Variants in RFFL observed in about 807,000 individuals in gnomAD.
RFFL encodes the protein E3 ubiquitin-protein ligase rififylin.
In RFFL, 16 loss-of-function variants were observed where a neutral mutation model predicts 40.4. The observed-to-expected ratio is 0.40, with a 90% CI of 0.27 to 0.60. RFFL has a LOEUF of 0.60. Ranked by LOEUF, RFFL falls within the 20% of genes least tolerant of loss-of-function variation. The pLI, the probability that RFFL is intolerant of heterozygous loss-of-function variation, is 0.47. For missense variants in RFFL, 367 were observed against 451.7 expected (o/e 0.81, Z 1.70); for synonymous variants, 154 against 167.9 (o/e 0.92, Z 0.64).
intron 5 of RFFL, 106 bp from the exon 6 acceptor site, chr17:35,014,869 G>C (rs555051788): frequency 1.7e-6 from 2 of 1,152,212 alleles, no homozygotes; most frequent in Admixed American, 1.8e-5. Flanking sequence ...TCCCTGCTGG[G>C]AACCAGGCTT....
chr17:35,019,667 C>A (rs1374685540), intron 3 of RFFL, among the ~76,000 whole-genome samples: 1 of 152,048 alleles, frequency 6.6e-6, no homozygotes, highest in Non-Finnish European at 1.5e-5. Flanking sequence ...AACCACCACG[C>A]CCAGCCAAGG....
chr17:35,082,703 G>A (rs749649722), intron 1 of RFFL, among the ~76,000 whole-genome samples: 4 of 152,200 alleles, frequency 2.6e-5, no homozygotes, highest in East Asian at 1.9e-4. Flanking sequence ...GAGAAGGGAC[G>A]TTTATTGAGT....
At chr17:35,021,912 C>T in intron 2 of RFFL, 131 bp from the exon 3 acceptor site, 2 of 853,124 alleles carry the variant, frequency 2.3e-6, no homozygotes, top group Non-Finnish European at 3.6e-6. Context: ...TAAGCTCTCT[C>T]ATATATCTAA....
intron 2 of RFFL, among the ~76,000 whole-genome samples, chr17:35,024,329 C>T (rs2091028100): frequency 6.6e-6 from 1 of 152,108 alleles, no homozygotes; most frequent in Admixed American, 6.5e-5. Context: ...AACACGGTTA[C>T]CTTTTTCTTT....
At chr17:35,038,861 T>C (rs964789174) in intron 1 of RFFL, among the ~76,000 whole-genome samples, 6 of 152,238 alleles carry the variant, frequency 3.9e-5, no homozygotes, top group African/African-American at 1.4e-4. Flanking sequence ...TGTACACTTA[T>C]AATTTATATA....
chr17:35,029,447 G>A (rs1189652753), intron 1 of RFFL, among the ~76,000 whole-genome samples: 1 of 148,640 alleles, frequency 6.7e-6, no homozygotes, highest in Admixed American at 6.7e-5. Context: ...AGGTTTAAGT[G>A]ATTCTCCTGC....
intron 1 of RFFL, among the ~76,000 whole-genome samples, chr17:35,072,455 G>C (rs1268498379): frequency 6.6e-6 from 1 of 152,038 alleles, no homozygotes; most frequent in Non-Finnish European, 1.5e-5. Flanking sequence ...CCAGAGATTA[G>C]GACAGTAGGG....
At chr17:35,012,241 A>G in intron 6 of RFFL, 92 bp from the exon 7 acceptor site, 2 of 1,062,784 alleles carry the variant, frequency 1.9e-6, no homozygotes, top group Non-Finnish European at 1.4e-6. Context: ...GAGGTGGGAG[A>G]TAACAGGTAC....
At chr17:35,045,272 G>C (rs1026353659) in intron 1 of RFFL, among the ~76,000 whole-genome samples, 1 of 151,062 alleles carries the variant, frequency 6.6e-6, no homozygotes, top group Non-Finnish European at 1.5e-5. Context: ...TCACTCTGTC[G>C]TCCAGGCTAG....
intron 1 of RFFL, among the ~76,000 whole-genome samples, chr17:35,075,141 A>C (rs987008365): frequency 6.6e-6 from 1 of 152,180 alleles, no homozygotes; most frequent in Non-Finnish European, 1.5e-5. Flanking sequence ...CAAGGTTATA[A>C]TAACGCAAGC....
chr17:35,016,364 C>T lies in RFFL; in HGVS notation c.886+6G>A, dbSNP rs759793168. ...CTGTAAAGCTACCATGCAGATAGCCCCTCACCCAGGTGCTGGAGTCCTTTC... is the reference window on the plus strand; with the variant it reads ...CTGTAAAGCTACCATGCAGATAGCCTCTCACCCAGGTGCTGGAGTCCTTTC... On this transcript the variant is annotated splice_donor_region_variant and intron_variant, in intron 5 of 6. Coordinates refer to ENST00000394597, the MANE Select transcript of RFFL (RefSeq NM_001017368.2). The T allele has an allele frequency of 6.2e-6, 10 of 1,613,298 alleles. No homozygotes were observed. The highest frequency in any genetic ancestry group is 1.7e-5 in the Admixed American group (1 of 59,996).
chr17:35,023,881 A>G (rs1427346587), intron 2 of RFFL, among the ~76,000 whole-genome samples: 2 of 152,130 alleles, frequency 1.3e-5, no homozygotes, highest in African/African-American at 4.8e-5. Flanking sequence ...TCTGAAACAC[A>G]CCCTACAGGA....
At chr17:35,035,632 T>C (rs944538479) in intron 1 of RFFL, among the ~76,000 whole-genome samples, 4 of 150,506 alleles carry the variant, frequency 2.7e-5, no homozygotes, top group Admixed American at 6.7e-5. Flanking sequence ...TATATACCTA[T>C]ATCTGTATCT....
rs537687922 is a variant in RFFL, at chr17:35,056,538, C to T, written c.-9+7038G>A. Among the ~76,000 whole-genome samples, 61 of 151,820 alleles carry T rather than the reference C, an allele frequency of 4.0e-4. No homozygotes were observed. In the East Asian group the frequency reaches 9.1e-3, roughly 23 times the overall value. On this transcript the variant is annotated intron_variant, in intron 1 of 6. Coordinates refer to ENST00000394597, the MANE Select transcript of RFFL (RefSeq NM_001017368.2). Reference sequence around the variant, plus strand: ...GATTACAGGCATGCACCACCACGCCCGGCTAATTTTGTATTTTTAGTAGAG... The same window carrying T: ...GATTACAGGCATGCACCACCACGCCTGGCTAATTTTGTATTTTTAGTAGAG...
intron 1 of RFFL, among the ~76,000 whole-genome samples, chr17:35,057,975 T>C (rs1285603112): frequency 1.3e-5 from 2 of 151,672 alleles, no homozygotes; most frequent in East Asian, 1.9e-4. Flanking sequence ...AACAATCATA[T>C]AAATATTGAA....
chr17:35,052,071 A>G (rs544270997), intron 1 of RFFL, among the ~76,000 whole-genome samples: 1 of 152,278 alleles, frequency 6.6e-6, no homozygotes, highest in East Asian at 1.9e-4. Context: ...ATTCATCTCT[A>G]ATGTTTTCTC....
Position 35,012,117 on chromosome 17 carries a change from G to A in RFFL, c.943C>T (p.Leu315=). 6.2e-7 allele frequency: 1 copy of A among 1,614,148 alleles called. No homozygotes were observed. Among genetic ancestry groups the A allele is most frequent in the Non-Finnish European group, 8.5e-7 (1 of 1,180,032 alleles). ...GGTGAGTCCATGCAGATCTTACACA[G>A]GTTCTCCTCCAAGCCTGATGGTACT... The part of the protein sequence containing the change: ...GAVPSGLEEN[L]CKICMDSPID... Residue 315 remains leucine (L), a synonymous_variant, in exon 7 of 7, where the codon CTG becomes TTG. Coordinates refer to ENST00000394597, the MANE Select transcript of RFFL (RefSeq NM_001017368.2).
rs1597809556 is a variant in RFFL at position 35,011,778 on chromosome 17, GC to G, written c.*189del. On this transcript the variant is annotated 3_prime_UTR_variant, in exon 7 of 7. Coordinates refer to ENST00000394597, the MANE Select transcript of RFFL (RefSeq NM_001017368.2). ...TTATACAAGTTCCCACTGGCCTTGGGCTTTGCCAGCCAAGAGGTACACCCCT... is the reference window on the plus strand; with the variant it reads ...TTATACAAGTTCCCACTGGCCTTGGGTTTGCCAGCCAAGAGGTACACCCCT... 1 of 595,856 alleles carries G rather than the reference GC, an allele frequency of 1.7e-6. No individual in the cohort carries two copies. Among genetic ancestry groups the G allele is most frequent in the East Asian group, 2.8e-5 (1 of 35,520 alleles). 36.9% of individuals were successfully genotyped at this position (595,856 alleles called of 1,614,324 possible). A position where few individuals can be genotyped will look rare whatever the true frequency, so the allele number is the denominator to read the frequency against.
intron 1 of RFFL, chr17:35,074,426 C>G (rs2091366156): frequency 6.6e-6 from 1 of 152,138 alleles, no homozygotes; most frequent in Admixed American, 6.6e-5. Flanking sequence ...AGAGTTCATT[C>G]ATTCTGGACT....
Sources: allele counts gnomAD v4.1 joint callset (sites outside exome capture counted in the v4.1 genomes callset), GRCh38; gene constraint gnomAD v4.1.1; transcripts MANE v1.5; gene names NCBI Gene and HGNC (gene_info 2026-07-23, HGNC 2026-07-21).